The following IL20RB variants were observed in gnomAD, a reference collection of about 807,000 sequenced individuals.
The protein encoded by IL20RB is interleukin 20 receptor subunit beta.
IL20RB carries 21 observed loss-of-function variants against 33.3 expected under a neutral mutation model. The ratio of observed to expected loss-of-function variants is 0.63; its 90% CI spans 0.45 to 0.91. The LOEUF (loss-of-function observed/expected upper bound fraction) is 0.91. Among genes scored for constraint, IL20RB ranks in the 40% least tolerant of loss-of-function variants. The pLI, the probability that IL20RB is intolerant of heterozygous loss-of-function variation, is 0.00. For synonymous variants in IL20RB, 147 were observed against 146.8 expected, an observed-to-expected ratio of 1.00 and a Z score of -0.01; for missense variants, 345 against 384.8, an observed-to-expected ratio of 0.90 and a Z score of 0.86.
At chr3:136,988,492 C>A (rs1056369884) in intron 3 of IL20RB, among the ~76,000 whole-genome samples, 13 of 152,132 alleles carry the variant, frequency 8.5e-5, no homozygotes, top group African/African-American at 3.1e-4. Context: ...GTAATCCCAG[C>A]ACTTTGGGAG....
intron 1 of IL20RB, among the ~76,000 whole-genome samples, chr3:136,963,197 T>C (rs1187920930): frequency 2.0e-5 from 3 of 152,222 alleles, no homozygotes; most frequent in South Asian, 2.1e-4. Flanking sequence ...CTACAGTTTA[T>C]CTAACCATTC....
chr3:136,973,526 A>G (rs959223322), intron 1 of IL20RB, among the ~76,000 whole-genome samples: 13 of 152,136 alleles, frequency 8.5e-5, no homozygotes, highest in African/African-American at 3.1e-4. Context: ...TGAAAAGAAT[A>G]TATATTCTGC....
At chr3:136,989,383 C>T in intron 3 of IL20RB, 58 bp from the exon 4 acceptor site, 1 of 1,602,360 alleles carries the variant, frequency 6.2e-7, no homozygotes, top group South Asian at 1.1e-5. Flanking sequence ...TCATTGTGTT[C>T]CAGGGAAATC....
At chr3:137,008,957 C>A (rs1291835992) in intron 6 of IL20RB, among the ~76,000 whole-genome samples, 1 of 152,170 alleles carries the variant, frequency 6.6e-6, no homozygotes. Context: ...TCATGTATGA[C>A]CACTGCAGAT....
Position 137,010,272 on chromosome 3 carries a change from G to A in IL20RB, c.*49G>A, listed in dbSNP as rs1933057374. ...GCCGAGAACCTGGTCTGCATGACAT[G>A]GAAACCATGAGGGGACAAGTTGTGT... On this transcript the variant is annotated 3_prime_UTR_variant, in exon 7 of 7. Transcript: ENST00000329582. 1.1e-6 allele frequency: 1 copy of A among 870,728 alleles called. No individual in the cohort carries two copies. The highest frequency in any genetic ancestry group is 2.0e-6 in the Non-Finnish European group (1 of 508,182). 53.9% of individuals were successfully genotyped at this position (870,728 alleles called of 1,614,324 possible). A position where few individuals can be genotyped will look rare whatever the true frequency, so the allele number is the denominator to read the frequency against.
intron 6 of IL20RB, among the ~76,000 whole-genome samples, chr3:137,007,437 G>T (rs549978609): frequency 1.3e-5 from 2 of 152,196 alleles, no homozygotes; most frequent in African/African-American, 2.4e-5. Context: ...GCTGTGGTGG[G>T]CTCCGCCAAG....
In IL20RB at chr3:136,964,631, C is replaced by G. The variant is rs1038714513; in HGVS notation, c.88+6430C>G. 7.8e-5 allele frequency among the ~76,000 whole-genome samples: 7 copies of G among 90,280 alleles called. 2 individuals are homozygous for G. The highest frequency in any genetic ancestry group is 2.9e-4 in the African/African-American group (6 of 20,606). The allele number at this position is 90,280 out of a possible 152,430, so 59.2% of individuals were successfully genotyped here. A position where few individuals can be genotyped will look rare whatever the true frequency, so the allele number is the denominator to read the frequency against. ...ATGAGTAGGTTGCGAAAATTTTCTC[C>G]CATTCTGTAGGTTGCCTGTTCACTC... On this transcript the variant is annotated intron_variant, in intron 1 of 6. Coordinates refer to ENST00000329582, the MANE Select transcript of IL20RB (RefSeq NM_144717.4).
At chr3:137,004,873 A>G (rs1265094774) in intron 6 of IL20RB, among the ~76,000 whole-genome samples, 2 of 152,096 alleles carry the variant, frequency 1.3e-5, no homozygotes, top group Non-Finnish European at 2.9e-5. Flanking sequence ...TGTCAATTTT[A>G]GATCTTTCCT....
At chr3:137,003,539 A>G (rs1212463601) in intron 6 of IL20RB, among the ~76,000 whole-genome samples, 3 of 152,080 alleles carry the variant, frequency 2.0e-5, no homozygotes, top group Non-Finnish European at 4.4e-5. Context: ...GCAATGGTGA[A>G]TGGGAGTTCA....
intron 1 of IL20RB, among the ~76,000 whole-genome samples, chr3:136,973,085 T>C (rs1415583196): frequency 6.6e-6 from 1 of 152,218 alleles, no homozygotes; most frequent in East Asian, 1.9e-4. Context: ...TTAATTTCCA[T>C]GTACTTAAAC....
Position 137,004,223 on chromosome 3 carries a change from C to G in IL20RB, c.826-5890C>G, listed in dbSNP as rs140084407. On this transcript the variant is annotated intron_variant, in intron 6 of 6. Coordinates refer to ENST00000329582, the MANE Select transcript of IL20RB (RefSeq NM_144717.4). ...CTCAGGGATATTGGTCTAAAATTCT[C>G]TTTTTTGTGTGTATGTCTCTGCCAG... 9.7e-3 allele frequency among the ~76,000 whole-genome samples: 1,473 copies of G among 152,182 alleles called. 34 individuals carry two copies. Among genetic ancestry groups the G allele is most frequent in the African/African-American group, 0.034 (1,407 of 41,500 alleles).
chr3:137,002,187 G>A (rs2107719846), intron 6 of IL20RB, among the ~76,000 whole-genome samples: 1 of 152,226 alleles, frequency 6.6e-6, no homozygotes, highest in South Asian at 2.1e-4. Context: ...ATGGACATTT[G>A]GGTTGGTTCC....
intron 1 of IL20RB, among the ~76,000 whole-genome samples, chr3:136,958,510 A>G (rs184757509): frequency 6.6e-6 from 1 of 152,264 alleles, no homozygotes; most frequent in Admixed American, 6.5e-5. Flanking sequence ...AGTGCAATGT[A>G]GTTCTTTCAG....
chr3:136,969,789 C>G (rs1397489072), intron 1 of IL20RB, among the ~76,000 whole-genome samples: 3 of 152,034 alleles, frequency 2.0e-5, no homozygotes, highest in Non-Finnish European at 4.4e-5. Flanking sequence ...TTTTTTTCCA[C>G]TTTGCAACTT....
chr3:136,958,427 A>G (rs949021486), intron 1 of IL20RB, among the ~76,000 whole-genome samples: 2 of 152,248 alleles, frequency 1.3e-5, no homozygotes, highest in African/African-American at 4.8e-5. Flanking sequence ...CAATCTAGAA[A>G]GAGAAATCAT....
rs10540948 is a variant in IL20RB at position 136,960,138 on chromosome 3, C to CTTTT, written c.88+1964_88+1967dup. 2.2e-4 allele frequency among the ~76,000 whole-genome samples: 8 copies of CTTTT among 36,196 alleles called. 1 individual carries two copies. The highest frequency in any genetic ancestry group is 9.5e-4 in the East Asian group (1 of 1,050). The allele number at this position is 36,196 out of a possible 152,430, so 23.7% of individuals were successfully genotyped here. A position where few individuals can be genotyped will look rare whatever the true frequency, so the allele number is the denominator to read the frequency against. On this transcript the variant is annotated intron_variant, in intron 1 of 6. Transcript: ENST00000329582. ...ACTGGGCAGATGGGTAGAGTTGTGGCTTTTTTTTTTTTTTTTTTTTTTTTT... is the reference window on the plus strand; with the variant it reads ...ACTGGGCAGATGGGTAGAGTTGTGGCTTTTTTTTTTTTTTTTTTTTTTTTTTTTT...
intron 6 of IL20RB, among the ~76,000 whole-genome samples, chr3:137,009,804 T>C (rs139492777): frequency 1.8e-4 from 28 of 152,116 alleles, no homozygotes; most frequent in African/African-American, 6.3e-4. Flanking sequence ...CCAAGGCAGG[T>C]GTGAGCCATT....
intron 6 of IL20RB, among the ~76,000 whole-genome samples, chr3:137,008,523 G>A (rs957561110): frequency 5.3e-5 from 8 of 152,130 alleles, no homozygotes; most frequent in Non-Finnish European, 1.2e-4. Context: ...AATATGCTGA[G>A]CTTTGCTTGA....
intron 4 of IL20RB, among the ~76,000 whole-genome samples, chr3:136,990,057 G>A (rs892389205): frequency 1.3e-5 from 2 of 152,032 alleles, no homozygotes; most frequent in African/African-American, 4.8e-5. Context: ...CTATGAGCAG[G>A]TGGGCCATGC....
Sources: allele counts gnomAD v4.1 joint callset (sites outside exome capture counted in the v4.1 genomes callset), GRCh38; gene constraint gnomAD v4.1.1; transcripts MANE v1.5; gene names NCBI Gene and HGNC (gene_info 2026-07-23, HGNC 2026-07-21).